The following TRPC5 variants were observed in gnomAD, a reference collection of about 807,000 sequenced individuals.
The protein encoded by TRPC5 is transient receptor potential cation channel subfamily C member 5.
Under a neutral mutation model 56.5 loss-of-function variants are expected in TRPC5, and 9 were observed. That is an observed-to-expected ratio of 0.16 (90% confidence interval 0.10 to 0.28). The LOEUF (loss-of-function observed/expected upper bound fraction) is 0.28, where lower values mean the gene tolerates loss of function less well. Ranked by LOEUF, TRPC5 falls within the 10% of genes least tolerant of loss-of-function variation. The pLI, the probability that TRPC5 is intolerant of heterozygous loss-of-function variation, is 1.00. For synonymous variants in TRPC5, 282 were observed against 278.5 expected (o/e 1.01, Z -0.13); for missense variants, 469 against 748.9 (o/e 0.63, Z 4.36).
At chrX:111,793,524 A>G (rs1314890528) in intron 7 of TRPC5, among the ~76,000 whole-genome samples, 1 of 111,835 alleles carries the variant, frequency 8.9e-6, no homozygotes, top group Non-Finnish European at 1.9e-5. Context: ...CAATAGGATG[A>G]CTATTATAAG....
chrX:111,807,795 C>T (rs924936690), intron 7 of TRPC5, among the ~76,000 whole-genome samples: 2 of 112,338 alleles, frequency 1.8e-5, no homozygotes, highest in East Asian at 2.8e-4. Flanking sequence ...CATTAGGGGA[C>T]ACCCCAAGCC....
At chrX:111,999,589 T>C (rs1435160700) in intron 1 of TRPC5, among the ~76,000 whole-genome samples, 2 of 112,267 alleles carry the variant, frequency 1.8e-5, no homozygotes, top group African/African-American at 6.5e-5. Flanking sequence ...GGGAGTGCAG[T>C]ATCTATTTGA....
intron 7 of TRPC5, among the ~76,000 whole-genome samples, chrX:111,813,487 C>T (rs1035609859): frequency 4.4e-5 from 5 of 112,571 alleles, no homozygotes; most frequent in Non-Finnish European, 9.4e-5. Context: ...TTTTACATTT[C>T]TCAACAAATC....
intron 3 of TRPC5, among the ~76,000 whole-genome samples, chrX:111,864,379 C>A (rs768590737): frequency 8.9e-6 from 1 of 112,681 alleles, no homozygotes; most frequent in East Asian, 2.8e-4. Flanking sequence ...CTGCCTCAGG[C>A]AGCCTTCATA....
Position 111,866,840 on chromosome X carries a change from G to A in TRPC5, c.901-12734C>T, listed in dbSNP as rs561294663. 3.3e-4 allele frequency among the ~76,000 whole-genome samples: 37 copies of A among 112,367 alleles called. No homozygotes were observed. In the South Asian group the frequency reaches 0.013, roughly 38 times the overall value. On this transcript the variant is annotated intron_variant, in intron 3 of 10. Transcript: ENST00000262839. The stretch of plus-strand genomic sequence containing the variant: ...GTCTAAAGGATCAATAGGATTTAAT[G>A]CCTGATTCACATGCTTAACTCAAGG...
intron 1 of TRPC5, among the ~76,000 whole-genome samples, chrX:112,050,000 A>G (rs1930173263): frequency 1.8e-5 from 2 of 110,770 alleles, no homozygotes; most frequent in African/African-American, 6.6e-5. Flanking sequence ...ACATGGGGAA[A>G]CCCCATCTCT....
intron 1 of TRPC5, among the ~76,000 whole-genome samples, chrX:112,072,249 G>T (rs1442193600): frequency 8.9e-6 from 1 of 111,914 alleles, no homozygotes; most frequent in Non-Finnish European, 1.9e-5. Context: ...CCTTTTGTTA[G>T]ATGAGGATAA....
intron 3 of TRPC5, among the ~76,000 whole-genome samples, chrX:111,908,755 C>T (rs1369367569): frequency 1.8e-5 from 2 of 112,151 alleles, no homozygotes; most frequent in Non-Finnish European, 3.8e-5. Flanking sequence ...TTTGAAATTA[C>T]TTTGATTACT....
At chrX:111,944,303 T>TGTGTGAAAGAGAGA (rs1173179815) in intron 2 of TRPC5, among the ~76,000 whole-genome samples, 3 of 61,372 alleles carry the variant, frequency 4.9e-5, no homozygotes, top group African/African-American at 2.1e-4. Context: ...TGTGTGTGTG[T>TGTGTGAAAGAGAGA]GAGAGAGAGA....
At chrX:111,931,524 T>C (rs1235612695) in intron 2 of TRPC5, among the ~76,000 whole-genome samples, 1 of 112,265 alleles carries the variant, frequency 8.9e-6, no homozygotes, top group Non-Finnish European at 1.9e-5. Context: ...TTCTAAACTC[T>C]GGATCTCTCA....
chrX:112,012,307 A>T lies in TRPC5; in HGVS notation c.-21-59866T>A, dbSNP rs771741407. ...GCAGTTCGGTGTGATTCCACCTACCATTTCTTGGCTATGCCTCACAATATC... is the reference window on the plus strand; with the variant it reads ...GCAGTTCGGTGTGATTCCACCTACCTTTTCTTGGCTATGCCTCACAATATC... On this transcript the variant is annotated intron_variant, in intron 1 of 10. Transcript: ENST00000262839. Among the ~76,000 whole-genome samples, 10 of 111,800 alleles carry T rather than the reference A, an allele frequency of 8.9e-5. 1 individual carries two copies. The South Asian group carries it at 3.4e-3, about 38-fold the overall frequency.
intron 1 of TRPC5, among the ~76,000 whole-genome samples, chrX:112,023,926 C>T (rs910297569): frequency 1.8e-5 from 2 of 111,339 alleles, no homozygotes; most frequent in African/African-American, 6.5e-5. Context: ...AGAGCAGTTC[C>T]AACTAGCAAT....
chrX:112,048,399 C>CAAAAAAAAAAAAAAAAA (rs58537492), intron 1 of TRPC5, among the ~76,000 whole-genome samples: 3 of 21,480 alleles, frequency 1.4e-4, no homozygotes, highest in Admixed American at 8.1e-4. Flanking sequence ...GACTCCGTAT[C>CAAAAAAAAAAAAAAAAA]AAAAAAAAAA....
At chrX:111,782,645 ATAG>A (rs1945928796) in intron 7 of TRPC5, among the ~76,000 whole-genome samples, 1 of 111,660 alleles carries the variant, frequency 9.0e-6, no homozygotes, top group Non-Finnish European at 1.9e-5. Flanking sequence ...TAAACTGTCA[ATAG>A]TAGTTATTTT....
intron 7 of TRPC5, among the ~76,000 whole-genome samples, chrX:111,810,760 T>C (rs1442354743): frequency 8.9e-6 from 1 of 111,891 alleles, no homozygotes; most frequent in Non-Finnish European, 1.9e-5. Context: ...GCATTTTTAA[T>C]AAAAGTGTAA....
At chrX:111,906,525 T>A (rs1181675779) in intron 3 of TRPC5, among the ~76,000 whole-genome samples, 1 of 111,378 alleles carries the variant, frequency 9.0e-6, no homozygotes, top group African/African-American at 3.3e-5. Context: ...AACTTCGAAG[T>A]TTTTAATGTA....
chrX:111,916,930 T>C (rs1157559027), intron 2 of TRPC5, among the ~76,000 whole-genome samples: 1 of 112,670 alleles, frequency 8.9e-6, no homozygotes, highest in Non-Finnish European at 1.9e-5. Context: ...GAGAAGAAAT[T>C]GGATATTTAG....
rs1556606774 is a variant in TRPC5 at position 111,992,588 on chromosome X, C to CATTAGT, written c.-21-40148_-21-40147insACTAAT. On this transcript the variant is annotated intron_variant, in intron 1 of 10. Coordinates refer to ENST00000262839, the MANE Select transcript of TRPC5 (RefSeq NM_012471.3). ...GAAATATGGGAATTGTTTTTTAAAA[C>CATTAGT]ATTATTATTATTATTATTATTATTA... Among the ~76,000 whole-genome samples, 3 of 104,979 alleles carry CATTAGT rather than the reference C, an allele frequency of 2.9e-5. No homozygotes were observed. The East Asian group carries it at 8.7e-4, about 30-fold the overall frequency. The allele number at this position is 104,979 out of a possible 115,157, so 91.2% of individuals were successfully genotyped here. A position where few individuals can be genotyped will look rare whatever the true frequency, so the allele number is the denominator to read the frequency against.
Position 111,847,224 on chromosome X carries a change from A to C in TRPC5, c.1590T>G (p.Ala530=), listed in dbSNP as rs779360220. The change falls in exon 6 of 11, where the codon GCT becomes GCG. Residue 530 remains alanine, a synonymous_variant. Coordinates refer to ENST00000262839, the MANE Select transcript of TRPC5 (RefSeq NM_012471.3). ...AAAGCTGGTTCAGTCCATTGGCAAA[A>C]GCTAGTAGTACCAGGCAGTAGATAA... ...FLFIYCLVLL[A]FANGLNQLYF... 33 of 1,209,814 alleles carry C rather than the reference A, an allele frequency of 2.7e-5. No individual in the cohort carries two copies. Among genetic ancestry groups the C allele is most frequent in the Non-Finnish European group, 3.7e-5 (33 of 895,283 alleles).
Sources: gnomAD v4.1 joint callset for allele counts (sites outside exome capture counted in the v4.1 genomes callset) on GRCh38, gnomAD v4.1.1 for gene constraint, MANE v1.5 for transcripts, NCBI Gene and HGNC (gene_info 2026-07-23, HGNC 2026-07-21) for gene names.